Variants in IARS2 observed in about 807,000 individuals in gnomAD.
IARS2 encodes the protein isoleucine--tRNA ligase, mitochondrial.
In IARS2, 56 loss-of-function variants were observed where a neutral mutation model predicts 126.3. That is an observed-to-expected ratio of 0.44 (90% CI 0.36 to 0.55). The LOEUF (loss-of-function observed/expected upper bound fraction) is 0.55. Ranked by LOEUF, IARS2 falls within the 20% of genes least tolerant of loss-of-function variation. IARS2 has a pLI of 0.00. For synonymous variants in IARS2, 407 were observed against 441.1 expected (o/e 0.92, Z 0.97); for missense variants, 1,127 against 1,245.9 (o/e 0.90, Z 1.44).
At position 220,114,310 on chromosome 1, in the gene IARS2, G is replaced by A; in HGVS notation, c.1480-4G>A. 6.2e-7 allele frequency: 1 copy of A among 1,610,840 alleles called. No homozygotes were observed. Among genetic ancestry groups the A allele is most frequent in the Non-Finnish European group, 8.5e-7 (1 of 1,177,086 alleles). The stretch of plus-strand genomic sequence containing the variant: ...ACAAGACTTGATTTATGAATTAATT[G>A]CAGGAATTGTTAAAAAAGGTGAAAT... On this transcript the variant is annotated splice_polypyrimidine_tract_variant and splice_region_variant and intron_variant, in intron 11 of 22. Coordinates refer to ENST00000366922, the MANE Select transcript of IARS2 (RefSeq NM_018060.4).
At chr1:220,140,494 G>C (rs917765630) in intron 19 of IARS2, among the ~76,000 whole-genome samples, 1 of 152,174 alleles carries the variant, frequency 6.6e-6, no homozygotes, top group Non-Finnish European at 1.5e-5. Context: ...CACGAGAATC[G>C]CTTGAACTTG....
chr1:220,118,232 A>T (rs776209747), intron 12 of IARS2: 1 of 493,752 alleles, frequency 2.0e-6, no homozygotes, highest in South Asian at 1.5e-5. Flanking sequence ...GTTACACTTG[A>T]TAACACCATT....
rs562124836 is a variant in IARS2, at chr1:220,133,578, A to G, written c.1838-824A>G. On this transcript the variant is annotated intron_variant, in intron 14 of 22. Transcript: ENST00000366922. ...CATAATTTTACAAATAAAAGGGATT[A>G]TGGGGGCTTTGAGAGTTGTGAGTTT... Among the ~76,000 whole-genome samples, 6 of 152,342 alleles carry G rather than the reference A, an allele frequency of 3.9e-5. No homozygotes were observed. The South Asian group carries it at 1.2e-3, about 32-fold the overall frequency.
In IARS2 at chr1:220,139,090, A is replaced by G. The variant is rs1303700886; in HGVS notation, c.2258A>G (p.Tyr753Cys). 2 of 1,612,982 alleles carry G rather than the reference A, an allele frequency of 1.2e-6. No individual in the cohort carries two copies. Among genetic ancestry groups the G allele is most frequent in the Non-Finnish European group, 1.7e-6 (2 of 1,179,126 alleles). Residue 753 changes from tyrosine to cysteine, a missense_variant, in exon 18 of 23, where the codon TAT (tyrosine) becomes TGT (cysteine). By Grantham distance (194) the Tyr-to-Cys change is radical (BLOSUM62 -2). Coordinates refer to ENST00000366922, the MANE Select transcript of IARS2 (RefSeq NM_018060.4). ...ETDSIPVNDM[Y>C]VIDQYMLHLL... ...GATTCCATCCCTGTAAACGATATGTATGTCATAGACCAGTACATGCTACAC... is the reference window on the plus strand; with the variant it reads ...GATTCCATCCCTGTAAACGATATGTGTGTCATAGACCAGTACATGCTACAC...
At chr1:220,101,356 A>G (rs1656566620) in intron 3 of IARS2, among the ~76,000 whole-genome samples, 1 of 152,188 alleles carries the variant, frequency 6.6e-6, no homozygotes, top group East Asian at 1.9e-4. Flanking sequence ...AATTTGTTGT[A>G]GGTATCTTCT....
At chr1:220,111,535 A>G (rs930189166) in intron 11 of IARS2, among the ~76,000 whole-genome samples, 2 of 151,394 alleles carry the variant, frequency 1.3e-5, no homozygotes, top group Non-Finnish European at 1.5e-5. Flanking sequence ...TACTTAATAT[A>G]TATTTGAGCC....
intron 11 of IARS2, among the ~76,000 whole-genome samples, chr1:220,111,598 ATGTGTGTGTG>A (rs34903707): frequency 1.6e-4 from 22 of 134,838 alleles, no homozygotes; most frequent in Non-Finnish European, 1.9e-4. Flanking sequence ...ATATATATAT[ATGTGTGTGTG>A]TGTGTGTGTG....
intron 22 of IARS2, among the ~76,000 whole-genome samples, chr1:220,146,733 G>A (rs1441210466): frequency 3.3e-5 from 5 of 152,070 alleles, no homozygotes; most frequent in Admixed American, 2.0e-4. Context: ...GTGCAATGGC[G>A]CAATCTTGGT....
rs1657130146 is a variant in IARS2, at chr1:220,125,312, A to C, written c.1716A>C (p.Gln572His). The change falls in exon 13 of 23, where the codon CAA becomes CAC. Residue 572 changes from glutamine (Q) to histidine (H), a missense_variant. Gln to His is a conservative substitution (Grantham distance 24). Coordinates refer to ENST00000366922, the MANE Select transcript of IARS2 (RefSeq NM_018060.4). ...SDIWWTLPPE[Q>H]LLPKEVLSEV... ...TCTGGTGGACTCTTCCCCCTGAACA[A>C]CTTCTTCCAAAAGAAGTCTTATCTG... 1 of 1,613,134 alleles carries C rather than the reference A, an allele frequency of 6.2e-7. No homozygotes were observed. The highest frequency in any genetic ancestry group is 1.3e-5 in the African/African-American group (1 of 75,022).
chr1:220,125,709 G>A (rs560198229), intron 13 of IARS2, among the ~76,000 whole-genome samples: 145 of 152,126 alleles, frequency 9.5e-4, no homozygotes, highest in African/African-American at 3.4e-3. Context: ...GGAGGTTGAG[G>A]GGGGAGGATG....
chr1:220,126,146 A>G lies in IARS2; in HGVS notation c.1744-604A>G, dbSNP rs563992342. On this transcript the variant is annotated intron_variant, in intron 13 of 22. Transcript: ENST00000366922. ...AAAGAAAAAGAAAAAGCCACGCAAC[A>G]TACCTTTAGTCCCAGCTACTCAGGA... Among the ~76,000 whole-genome samples, 1,004 of 151,020 alleles carry G rather than the reference A, an allele frequency of 6.6e-3. 8 individuals carry two copies. Among genetic ancestry groups the G allele is most frequent in the Non-Finnish European group, 0.011 (745 of 67,754 alleles).
At chr1:220,131,171 CTTTATTTA>C (rs781127057) in intron 14 of IARS2, among the ~76,000 whole-genome samples, 2 of 151,490 alleles carry the variant, frequency 1.3e-5, no homozygotes, top group Non-Finnish European at 2.9e-5. Context: ...TGCATTGAAT[CTTTATTTA>C]TTTATTTATT....
chr1:220,128,098 A>G (rs181075745), intron 14 of IARS2, among the ~76,000 whole-genome samples: 355 of 152,188 alleles, frequency 2.3e-3, no homozygotes, highest in Non-Finnish European at 3.9e-3. Flanking sequence ...CTTATATGCA[A>G]TTTTTTTCAA....
At chr1:220,103,603 A>G (rs760643822) in intron 8 of IARS2, 41 bp downstream of exon 8, 1 of 1,285,460 alleles carries the variant, frequency 7.8e-7, no homozygotes, top group Admixed American at 1.7e-5. Flanking sequence ...TCATCAAAGT[A>G]TTGGGCTGAC....
At chr1:220,108,188 G>A (rs544289854) in intron 10 of IARS2, among the ~76,000 whole-genome samples, 23 of 151,122 alleles carry the variant, frequency 1.5e-4, no homozygotes, top group African/African-American at 5.3e-4. Context: ...AGCCTCCCAA[G>A]TAGCTGGGAT....
chr1:220,146,050 A>G (rs1214736601), intron 22 of IARS2, among the ~76,000 whole-genome samples: 1 of 152,196 alleles, frequency 6.6e-6, no homozygotes, highest in Non-Finnish European at 1.5e-5. Context: ...CCTATTATGT[A>G]TACCCCGGAT....
chr1:220,102,446 A>G (rs1338466943), intron 5 of IARS2, 34 bp downstream of exon 5: 1 of 1,611,472 alleles, frequency 6.2e-7, no homozygotes, highest in East Asian at 2.2e-5. Flanking sequence ...TAAAAGGGAG[A>G]AATTTGTGAG....
chr1:220,118,710 A>C (rs1162166128), intron 12 of IARS2, among the ~76,000 whole-genome samples: 1 of 152,140 alleles, frequency 6.6e-6, no homozygotes. Flanking sequence ...AACTTCTGGA[A>C]ATTATGAGAA....
chr1:220,127,337 C>T (rs960198411), intron 14 of IARS2, among the ~76,000 whole-genome samples: 1 of 152,166 alleles, frequency 6.6e-6, no homozygotes, highest in African/African-American at 2.4e-5. Flanking sequence ...TTTTTCTCCT[C>T]TCTGTACAAA....
Sources: gnomAD v4.1 joint callset for allele counts (sites outside exome capture counted in the v4.1 genomes callset) on GRCh38, gnomAD v4.1.1 for gene constraint, MANE v1.5 for transcripts, NCBI Gene and HGNC (gene_info 2026-07-23, HGNC 2026-07-21) for gene names.